The following CAMSAP1 variants were observed in gnomAD, a reference collection of about 807,000 sequenced individuals.
The protein encoded by CAMSAP1 is calmodulin-regulated spectrin-associated protein 1.
A neutral mutation model predicts 143.5 loss-of-function variants in CAMSAP1; 58 were observed. That is an observed-to-expected ratio of 0.40 (90% CI 0.33 to 0.50). The LOEUF (loss-of-function observed/expected upper bound fraction) is 0.50, where lower values mean the gene tolerates loss of function less well. Ranked by LOEUF, CAMSAP1 falls within the 20% of genes least tolerant of loss-of-function variation. The probability of loss-of-function intolerance (pLI) is 0.45; values close to 1 mark genes in which losing one functional copy is unlikely to be tolerated. For missense variants in CAMSAP1, 1,969 were observed against 2,115.7 expected (o/e 0.93, Z 1.36); for synonymous variants, 945 against 859.3 (o/e 1.10, Z -1.74).
chr9:135,833,128 C>T (rs1564428134), intron 7 of CAMSAP1, among the ~76,000 whole-genome samples: 3 of 140,360 alleles, frequency 2.1e-5, no homozygotes, highest in African/African-American at 8.1e-5. Flanking sequence ...GTCGCCCAGG[C>T]TGGAGTGCAG....
chr9:135,881,424 C>T (rs917963160), intron 3 of CAMSAP1, among the ~76,000 whole-genome samples: 1 of 152,008 alleles, frequency 6.6e-6, no homozygotes, highest in Non-Finnish European at 1.5e-5. Context: ...GATATAAATT[C>T]ATCACCCTCT....
chr9:135,866,992 A>C lies in CAMSAP1; in HGVS notation c.586-456T>G, dbSNP rs1175100057. Reference sequence around the variant, plus strand: ...TCATACCAAACCAAATCTAATTATAAAAGTTTAACTATACACCCCTTAAAA... The same window carrying C: ...TCATACCAAACCAAATCTAATTATACAAGTTTAACTATACACCCCTTAAAA... On this transcript the variant is annotated intron_variant, in intron 3 of 16. Transcript: ENST00000389532. Among the ~76,000 whole-genome samples the C allele has an allele frequency of 3.3e-5, 5 of 152,202 alleles. No homozygotes were observed. The East Asian group carries it at 9.6e-4, about 29-fold the overall frequency.
In CAMSAP1 at chr9:135,811,569, GA is replaced by G; in HGVS notation, c.4548del (p.Arg1517ValfsTer35). On this transcript the variant is annotated frameshift_variant, in exon 17 of 17. Coordinates refer to ENST00000389532, the MANE Select transcript of CAMSAP1 (RefSeq NM_015447.4). LOFTEE classifies it high-confidence loss of function. The surrounding 1 kb of genome is among the most constrained non-coding windows in gnomAD (Gnocchi z 4.9). ...GCCCTGAACTGGCAGCCAGCATCAC[GA>G]AACAGTATGATGTAGTGATTGGCAT... ...KCDANHYIIL[F>X]RDAGCQFRAL... 6.3e-7 allele frequency: 1 copy of G among 1,599,316 alleles called. No individual in the cohort carries two copies. The highest frequency in any genetic ancestry group is 8.5e-7 in the Non-Finnish European group (1 of 1,172,556).
chr9:135,875,724 T>C (rs1049184898), intron 3 of CAMSAP1, among the ~76,000 whole-genome samples: 2 of 152,176 alleles, frequency 1.3e-5, no homozygotes, highest in Non-Finnish European at 2.9e-5. Context: ...TCAGAACTGC[T>C]ATCTATATGA....
In CAMSAP1 at chr9:135,882,529, G is replaced by A. The variant is rs1306249543; in HGVS notation, c.423+287C>T. Among the ~76,000 whole-genome samples the A allele has an allele frequency of 3.3e-5, 5 of 152,198 alleles. No homozygotes were observed. Among genetic ancestry groups the A allele is most frequent in the African/African-American group, 7.2e-5 (3 of 41,456 alleles). On this transcript the variant is annotated intron_variant, in intron 2 of 16. Transcript: ENST00000389532. The surrounding 1 kb of genome is among the most constrained non-coding windows in gnomAD (Gnocchi z 4.9). ...CAATTACATTTCTCATCTGTAAAAA[G>A]TCTGCTTCAAGTATTTTTATTAACA...
Position 135,866,530 on chromosome 9 carries a change from G to A in CAMSAP1, c.592C>T (p.Leu198Phe). The change falls in exon 4 of 17, where the codon CTT becomes TTT. Residue 198 changes from leucine to phenylalanine, a missense_variant. Leu to Phe is a conservative substitution (Grantham distance 22). Around this residue, in one of 4 missense-constraint regions of CAMSAP1, gnomAD observed 221 missense variants for 298.2 expected, o/e 0.74. Coordinates refer to ENST00000389532, the MANE Select transcript of CAMSAP1 (RefSeq NM_015447.4). ...AMVFWINKVN[L>F]KMREITEKEV... ...TTCTCTGTTATCTCTCTCATTTTAA[G>A]ATTTACCTAAAGTAGAAGAGAAATG... 7.2e-7 allele frequency: 1 copy of A among 1,390,194 alleles called. No homozygotes were observed. The highest frequency in any genetic ancestry group is 1.0e-6 in the Non-Finnish European group (1 of 1,000,442). 86.1% of individuals were successfully genotyped at this position (1,390,194 alleles called of 1,614,324 possible). A position where few individuals can be genotyped will look rare whatever the true frequency, so the allele number is the denominator to read the frequency against.
In CAMSAP1 at chr9:135,881,617, T is replaced by C. The variant is rs1837952200; in HGVS notation, c.585+16A>G. 1 of 1,551,496 alleles carries C rather than the reference T, an allele frequency of 6.4e-7. No individual in the cohort carries two copies. Among genetic ancestry groups the C allele is most frequent in the Non-Finnish European group, 8.7e-7 (1 of 1,146,894 alleles). On this transcript the variant is annotated intron_variant, in intron 3 of 16. Coordinates refer to ENST00000389532, the MANE Select transcript of CAMSAP1 (RefSeq NM_015447.4). ...CAGAAGCAGAGTCACACACCACATCTAGGCAGGGCACTCACCTTGTTGATC... is the reference window on the plus strand; with the variant it reads ...CAGAAGCAGAGTCACACACCACATCCAGGCAGGGCACTCACCTTGTTGATC...
chr9:135,901,450 T>A (rs1220987502), intron 1 of CAMSAP1, among the ~76,000 whole-genome samples: 1 of 151,848 alleles, frequency 6.6e-6, no homozygotes, highest in South Asian at 2.1e-4. Flanking sequence ...CAAAAAATAA[T>A]AATTAACCGG....
intron 16 of CAMSAP1, among the ~76,000 whole-genome samples, chr9:135,813,970 C>G (rs1253736583): frequency 1.3e-5 from 2 of 152,236 alleles, no homozygotes; most frequent in Non-Finnish European, 2.9e-5. Flanking sequence ...TCCCTCTTCA[C>G]CCAGTGGCTG....
rs775764972 is a variant in CAMSAP1, at chr9:135,822,967, C to T, written c.1694G>A (p.Arg565Gln). The T allele has an allele frequency of 4.3e-6, 7 of 1,613,936 alleles. No individual in the cohort carries two copies. Among genetic ancestry groups the T allele is most frequent in the South Asian group, 1.1e-5 (1 of 91,078 alleles). Residue 565 changes from arginine to glutamine, a missense_variant, in exon 11 of 17, where the codon CGG becomes CAG. By Grantham distance (43) the Arg-to-Gln change is conservative. Coordinates refer to ENST00000389532, the MANE Select transcript of CAMSAP1 (RefSeq NM_015447.4). The surrounding 1 kb of genome is among the most constrained non-coding windows in gnomAD (Gnocchi z 6.1). ...ADPEFPRASP[R>Q]ALGLTANARS... ...GGCATTTGCTGTAAGGCCTAAGGCCCGGGGTGAGGCCCTGGGGAACTCCGG... is the reference window on the plus strand; with the variant it reads ...GGCATTTGCTGTAAGGCCTAAGGCCTGGGGTGAGGCCCTGGGGAACTCCGG...
intron 1 of CAMSAP1, among the ~76,000 whole-genome samples, chr9:135,904,213 G>A (rs111378626): frequency 0.021 from 3,261 of 151,830 alleles, 129 homozygotes; most frequent in African/African-American, 0.074. Context: ...AATAAAAACT[G>A]TTTAAAGAAA....
At chr9:135,849,868 T>A in intron 7 of CAMSAP1, 2 of 304,992 alleles carry the variant, frequency 6.6e-6, no homozygotes, top group East Asian at 5.6e-5. Flanking sequence ...TTTTTTTTTT[T>A]CAGTTTGTTC....
intron 3 of CAMSAP1, among the ~76,000 whole-genome samples, chr9:135,872,042 G>A (rs1837586552): frequency 6.6e-6 from 1 of 152,040 alleles, no homozygotes; most frequent in African/African-American, 2.4e-5. Context: ...GGAGGCTGCA[G>A]TGAACCGAGA....
intron 1 of CAMSAP1, among the ~76,000 whole-genome samples, chr9:135,901,508 G>A (rs1007681171): frequency 1.3e-5 from 2 of 152,082 alleles, no homozygotes; most frequent in African/African-American, 4.8e-5. Flanking sequence ...TAGCAACTCG[G>A]GAGGCTGAGG....
chr9:135,883,507 G>A (rs562316859), intron 1 of CAMSAP1, among the ~76,000 whole-genome samples: 3 of 152,220 alleles, frequency 2.0e-5, no homozygotes, highest in Non-Finnish European at 4.4e-5. Flanking sequence ...AGCGGAGACA[G>A]CATGTGGGCA....
intron 1 of CAMSAP1, among the ~76,000 whole-genome samples, chr9:135,905,455 G>T (rs1479915029): frequency 1.3e-5 from 2 of 152,182 alleles, no homozygotes; most frequent in Non-Finnish European, 2.9e-5. Flanking sequence ...AAACATGCAG[G>T]AGTAAAACTT....
intron 3 of CAMSAP1, among the ~76,000 whole-genome samples, chr9:135,881,406 C>T (rs1239821781): frequency 1.3e-5 from 2 of 152,000 alleles, no homozygotes; most frequent in African/African-American, 4.8e-5. Flanking sequence ...ACATGTGCTG[C>T]ATTTTCAGAT....
chr9:135,883,855 C>T (rs1368170982), intron 1 of CAMSAP1, among the ~76,000 whole-genome samples: 1 of 152,178 alleles, frequency 6.6e-6, no homozygotes, highest in African/African-American at 2.4e-5. Flanking sequence ...AGCCTGAACC[C>T]ACACAATCTG....
At chr9:135,859,932 C>T (rs1356681336) in intron 5 of CAMSAP1, among the ~76,000 whole-genome samples, 1 of 150,582 alleles carries the variant, frequency 6.6e-6, no homozygotes, top group Non-Finnish European at 1.5e-5. Context: ...GGGCCAGGTG[C>T]GGTGGCTCAC....
Sources: allele counts gnomAD v4.1 joint callset (sites outside exome capture counted in the v4.1 genomes callset), GRCh38; gene constraint gnomAD v4.1.1; regional missense constraint gnomAD v4.1.1; non-coding constraint Gnocchi (gnomAD v3.1); transcripts MANE v1.5; gene names NCBI Gene and HGNC (gene_info 2026-07-23, HGNC 2026-07-21).